The following ITPA variants were observed in gnomAD, a reference collection of about 807,000 sequenced individuals.
ITPA encodes inosine triphosphate pyrophosphatase.
A neutral mutation model predicts 29.6 loss-of-function variants in ITPA; 29 were observed. That is an observed-to-expected ratio of 0.98 (90% CI 0.73 to 1.34). The LOEUF (loss-of-function observed/expected upper bound fraction) is 1.34, where lower values mean the gene tolerates loss of function less well. ITPA is among the 40% of genes most tolerant of loss of function. The pLI is 0.00. For synonymous variants in ITPA, 103 were observed against 99.3 expected (o/e 1.04, Z -0.22); for missense variants, 241 against 251.5 (o/e 0.96, Z 0.28).
chr20:3,211,747 C>T (rs964310047), intron 1 of ITPA, among the ~76,000 whole-genome samples: 10 of 152,172 alleles, frequency 6.6e-5, no homozygotes, highest in Admixed American at 4.6e-4. Context: ...CCCGCCAGGG[C>T]CTCCCGAAGT....
In ITPA at chr20:3,212,296, C is replaced by T. The variant is rs2067192149; in HGVS notation, c.67-873C>T. Among the ~76,000 whole-genome samples, 6 of 152,016 alleles carry T rather than the reference C, an allele frequency of 3.9e-5. No individual in the cohort carries two copies. The South Asian group carries it at 1.2e-3, about 32-fold the overall frequency. ...TTATTAATGCATTAAAGGATTCAAT[C>T]TACCAATGTATGAGTAATTATCTTA... is the stretch of plus-strand genomic sequence containing the variant. On this transcript the variant is annotated intron_variant, in intron 1 of 7. Transcript: ENST00000380113.
At chr20:3,217,915 T>TTTG (rs1491289934) in intron 5 of ITPA, among the ~76,000 whole-genome samples, 1 of 139,206 alleles carries the variant, frequency 7.2e-6, no homozygotes. Context: ...GGTTTTTTTT[T>TTTG]GTTTTTGTTT....
intron 5 of ITPA, among the ~76,000 whole-genome samples, chr20:3,215,744 G>A (rs112200085): frequency 0.08 from 12,249 of 152,168 alleles, 691 homozygotes; most frequent in Non-Finnish European, 0.13. Flanking sequence ...GGAGTACACC[G>A]GTGTGATCTC....
chr20:3,217,352 C>G (rs1236079537), intron 5 of ITPA, among the ~76,000 whole-genome samples: 2 of 152,132 alleles, frequency 1.3e-5, no homozygotes, highest in Non-Finnish European at 2.9e-5. Context: ...GTTATCAGCA[C>G]GAGGCCTATT....
chr20:3,207,385 G>A (rs2067079471), upstream of ITPA, among the ~76,000 whole-genome samples: 1 of 152,142 alleles, frequency 6.6e-6, no homozygotes, highest in Non-Finnish European at 1.5e-5. Flanking sequence ...TATGTACCAG[G>A]AGCTGGGATT....
chr20:3,223,681 C>G lies in ITPA; in HGVS notation c.*219C>G, dbSNP rs1211676651. On this transcript the variant is annotated 3_prime_UTR_variant, in exon 8 of 8. Coordinates refer to ENST00000380113, the MANE Select transcript of ITPA (RefSeq NM_033453.4). ...TCTCTTGCCCTTAGGATTCACTGCT[C>G]TCTCCTACAGCCGCCAGGCCTGGGG... 5 of 596,322 alleles carry G rather than the reference C, an allele frequency of 8.4e-6. No homozygotes were observed. The highest frequency in any genetic ancestry group is 8.1e-5 in the Admixed American group (3 of 36,956). The allele number at this position is 596,322 out of a possible 1,614,324, so 36.9% of individuals were successfully genotyped here.
At chr20:3,213,836 G>A in intron 3 of ITPA, 149 bp from the exon 4 acceptor site, 2 of 822,636 alleles carry the variant, frequency 2.4e-6, no homozygotes, top group East Asian at 2.4e-5. Context: ...AAAGTTAAGA[G>A]ATTGGCCGAG....
At chr20:3,223,029 C>T (rs963806051) in intron 7 of ITPA, among the ~76,000 whole-genome samples, 4 of 152,176 alleles carry the variant, frequency 2.6e-5, no homozygotes, top group African/African-American at 9.6e-5. Context: ...TGTGTTTGCT[C>T]TGTCAGGCCC....
chr20:3,221,813 C>T, intron 6 of ITPA, 28 bp from the exon 7 acceptor site: 1 of 1,611,518 alleles, frequency 6.2e-7, no homozygotes, highest in Non-Finnish European at 8.5e-7. Context: ...GACCCAGTTA[C>T]ACACCTGTCC....
intron 6 of ITPA, among the ~76,000 whole-genome samples, chr20:3,221,455 A>G (rs779545134): frequency 1.3e-5 from 2 of 152,110 alleles, no homozygotes; most frequent in Non-Finnish European, 2.9e-5. Flanking sequence ...TGGCTTGTCC[A>G]CGGAGTTCAG....
chr20:3,207,696 AAAC>A (rs369887745), upstream of ITPA, among the ~76,000 whole-genome samples: 10 of 150,696 alleles, frequency 6.6e-5, no homozygotes, highest in East Asian at 2.0e-4. Context: ...CTCCATCTCA[AAAC>A]AACAACAACA....
chr20:3,209,581 C>G lies in ITPA; in HGVS notation c.30C>G (p.Ile10Met). 6.2e-7 allele frequency: 1 copy of G among 1,614,074 alleles called. No individual in the cohort carries two copies. The highest frequency in any genetic ancestry group is 8.5e-7 in the Non-Finnish European group (1 of 1,180,026). The change falls in exon 1 of 8, where the codon ATC becomes ATG. Residue 10 changes from isoleucine (I) to methionine (M), a missense_variant. Physicochemically the swap from Ile to Met is conservative, Grantham distance 10. Transcript: ENST00000380113. This position sits in a 1 kb window ranked among gnomAD's most constrained non-coding sequence, Gnocchi z 4.6. ...CGGCCTCATTGGTGGGGAAGAAGATCGTGTTTGTAACGGGGAACGCCAAGA... is the reference window on the plus strand; with the variant it reads ...CGGCCTCATTGGTGGGGAAGAAGATGGTGTTTGTAACGGGGAACGCCAAGA... MAASLVGKK[I>M]VFVTGNAKKL...
At position 3,218,661 on chromosome 20, in the gene ITPA, C is replaced by T. The variant is rs769476343; in HGVS notation, c.411+29C>T. The T allele has an allele frequency of 4.5e-6, 7 of 1,554,462 alleles. No homozygotes were observed. The African/African-American group carries it at 6.8e-5, about 15-fold the overall frequency. ...CGTACCCACCTTGATGCAGTTCCCG[C>T]CGCGCGCCGCCAGGGGGTGCCGCGA... On this transcript the variant is annotated intron_variant, in intron 6 of 7. Coordinates refer to ENST00000380113, the MANE Select transcript of ITPA (RefSeq NM_033453.4).
At chr20:3,208,666 G>A (rs1041129468), upstream of ITPA, among the ~76,000 whole-genome samples, 4 of 152,176 alleles carry the variant, frequency 2.6e-5, no homozygotes, top group Admixed American at 1.3e-4. Flanking sequence ...GTGAGCCACC[G>A]GGCTTTCCCA....
chr20:3,214,620 C>T lies in ITPA; in HGVS notation c.263+562C>T, dbSNP rs1241487450. ...TTGAGACAAGAGTCTCGCTCTGTCG[C>T]CCAGGCTGGAGTGCAGTGGCGCGAT... On this transcript the variant is annotated intron_variant, in intron 4 of 7. Transcript: ENST00000380113. Among the ~76,000 whole-genome samples the T allele has an allele frequency of 2.0e-5, 3 of 151,800 alleles. No homozygotes were observed. The East Asian group carries it at 5.8e-4, about 29-fold the overall frequency.
chr20:3,214,815 G>A (rs1341958214), intron 4 of ITPA, among the ~76,000 whole-genome samples: 1 of 152,026 alleles, frequency 6.6e-6, no homozygotes, highest in African/African-American at 2.4e-5. Context: ...TCCTGACCTC[G>A]TGATCTGCCC....
Position 3,209,754 on chromosome 20 carries a change from C to G in ITPA, c.66+137C>G. The G allele has an allele frequency of 2.8e-6, 2 of 721,024 alleles. No homozygotes were observed. Among genetic ancestry groups the G allele is most frequent in the Non-Finnish European group, 2.3e-6 (1 of 437,908 alleles). 44.7% of individuals were successfully genotyped at this position (721,024 alleles called of 1,614,324 possible). Reference sequence around the variant, plus strand: ...CAGCCCGGAAGAATGGGTCCTGACCCGGCTGTGTGGAAAAGCTGGGGCGCA... The same window carrying G: ...CAGCCCGGAAGAATGGGTCCTGACCGGGCTGTGTGGAAAAGCTGGGGCGCA... On this transcript the variant is annotated intron_variant, in intron 1 of 7. Coordinates refer to ENST00000380113, the MANE Select transcript of ITPA (RefSeq NM_033453.4). The surrounding 1 kb of genome is among the most constrained non-coding windows in gnomAD (Gnocchi z 4.6).
Position 3,209,676 on chromosome 20 carries a change from G to A in ITPA, c.66+59G>A, listed in dbSNP as rs1439674789. On this transcript the variant is annotated intron_variant, in intron 1 of 7. Coordinates refer to ENST00000380113, the MANE Select transcript of ITPA (RefSeq NM_033453.4). The surrounding 1 kb of genome is among the most constrained non-coding windows in gnomAD (Gnocchi z 4.6). ...CGGCTGGGAATAGGGCGGAGAAGGGGCTTCCGGGAGGAGGGAAGCACGTGG... is the reference window on the plus strand; with the variant it reads ...CGGCTGGGAATAGGGCGGAGAAGGGACTTCCGGGAGGAGGGAAGCACGTGG... The A allele has an allele frequency of 8.4e-6, 12 of 1,433,304 alleles. No individual in the cohort carries two copies. The highest frequency in any genetic ancestry group is 1.2e-5 in the Non-Finnish European group (12 of 1,019,036). 88.8% of individuals were successfully genotyped at this position (1,433,304 alleles called of 1,614,324 possible).
chr20:3,217,087 G>A (rs1228664870), intron 5 of ITPA, among the ~76,000 whole-genome samples: 5 of 151,730 alleles, frequency 3.3e-5, no homozygotes, highest in African/African-American at 1.2e-4. Flanking sequence ...CACCACGTTG[G>A]CCATGCTGAT....
Sources: gnomAD v4.1 joint callset for allele counts (sites outside exome capture counted in the v4.1 genomes callset) on GRCh38, gnomAD v4.1.1 for gene constraint, Gnocchi (gnomAD v3.1) non-coding constraint, MANE v1.5 for transcripts, NCBI Gene and HGNC (gene_info 2026-07-23, HGNC 2026-07-21) for gene names.